The following FMR1 variants were observed in gnomAD, a reference collection of about 807,000 sequenced individuals.
FMR1 encodes the protein FMRP translational regulator 1.
FMR1 carries 13 observed loss-of-function variants against 50.6 expected under a neutral mutation model. That is an observed-to-expected ratio of 0.26 (90% confidence interval 0.17 to 0.41). FMR1 has a LOEUF of 0.41. FMR1 is among the 10% of genes least tolerant of loss of function. FMR1 has a pLI of 1.00. For missense variants in FMR1, 316 were observed against 491.3 expected, an observed-to-expected ratio of 0.64 and a Z score of 3.37; for synonymous variants, 138 against 164.1, an observed-to-expected ratio of 0.84 and a Z score of 1.22.
rs1250185587 is a variant in FMR1 at position 147,920,170 on chromosome X, T to A, written c.52-1763T>A. ...CTCTTATATTTAGGTCTTTGATGCA[T>A]ATTCATTGATTTTTTTTTGTATGCA... On this transcript the variant is annotated intron_variant, in intron 1 of 16. Transcript: ENST00000370475. 2.7e-5 allele frequency among the ~76,000 whole-genome samples: 3 copies of A among 112,380 alleles called. No individual in the cohort carries two copies. The Admixed American group carries it at 2.8e-4, about 11-fold the overall frequency.
Position 147,944,864 on chromosome X carries a change from G to A in FMR1, c.1472-5G>A, listed in dbSNP as rs781849284. The A allele has an allele frequency of 1.6e-5, 19 of 1,199,355 alleles. No individual in the cohort carries two copies. Among genetic ancestry groups the A allele is most frequent in the Admixed American group, 9.0e-5 (4 of 44,607 alleles). On this transcript the variant is annotated splice_polypyrimidine_tract_variant and splice_region_variant and intron_variant, in intron 14 of 16. Coordinates refer to ENST00000370475, the MANE Select transcript of FMR1 (RefSeq NM_002024.6). ...CAATGGTATATAACTTTTAACTCTC[G>A]ATAGGAACTAATTCTGAAGCATCAA...
At chrX:147,945,662 A>G in intron 16 of FMR1, 46 bp downstream of exon 16, 2 of 921,712 alleles carry the variant, frequency 2.2e-6, no homozygotes, top group Non-Finnish European at 3.1e-6. Flanking sequence ...TGAATATGGT[A>G]GTTTGAGATT....
In FMR1 at chrX:147,944,962, G is replaced by A. The variant is rs781918121; in HGVS notation, c.1565G>A (p.Arg522Lys). ...DWSLAPTEEE[R>K]ESFLRRGDGR... ...TCATTAGCTCCAACAGAGGAAGAGA[G>A]GGAGAGCTTCCTGCGCAGAGGAGAC... Residue 522 changes from arginine (R) to lysine (K), a missense_variant, in exon 15 of 17, where the codon AGG becomes AAG. This residue lies in a region of FMR1 where 124 missense variants were observed against 160.8 expected (regional missense o/e 0.77). Transcript: ENST00000370475. The A allele has an allele frequency of 1.7e-6, 2 of 1,205,623 alleles. No homozygotes were observed. The highest frequency in any genetic ancestry group is 2.2e-6 in the Non-Finnish European group (2 of 893,231).
rs181856740 is a variant in FMR1 at position 147,925,876 on chromosome X, G to C, written c.198+243G>C. Among the ~76,000 whole-genome samples the C allele has an allele frequency of 2.2e-3, 250 of 111,764 alleles. 1 individual carries two copies. Among genetic ancestry groups the C allele is most frequent in the African/African-American group, 7.7e-3 (238 of 30,775 alleles). ...GAAAGTCACTGCCGCAAGTTCCTTT[G>C]CCCACTAGTAATTCTTTTCTCCTTC... On this transcript the variant is annotated intron_variant, in intron 3 of 16. Transcript: ENST00000370475.
intron 14 of FMR1, chrX:147,944,265 C>A (rs188136224): frequency 4.0e-6 from 3 of 753,108 alleles, no homozygotes; most frequent in East Asian, 1.5e-4. Flanking sequence ...TATAGTAATT[C>A]TTTATTAATG....
At chrX:147,943,940 A>G in intron 14 of FMR1, 1 of 116,718 alleles carries the variant, frequency 8.6e-6, no homozygotes. Flanking sequence ...ATAAGGTATA[A>G]TCCATTTCAC....
rs1394387004 is a variant in FMR1, at chrX:147,949,653, A to T, written c.*809A>T. On this transcript the variant is annotated 3_prime_UTR_variant, in exon 17 of 17. Coordinates refer to ENST00000370475, the MANE Select transcript of FMR1 (RefSeq NM_002024.6). ...TGAGAGAGATGTGTAATTTTTCTGT[A>T]TAGACAGGAGAAGAAAGAACTATCT... 1.5e-5 allele frequency: 5 copies of T among 327,690 alleles called. No homozygotes were observed. Among genetic ancestry groups the T allele is most frequent in the Non-Finnish European group, 2.9e-5 (5 of 169,592 alleles). The allele number at this position is 327,690 out of a possible 1,213,427, so 27.0% of individuals were successfully genotyped here.
At chrX:147,913,238 CT>C (rs782519571) in intron 1 of FMR1, 2 of 112,125 alleles carry the variant, frequency 1.8e-5, no homozygotes, top group South Asian at 3.7e-4. Flanking sequence ...GTTTACTGTG[CT>C]TTTTAAAGTT....
At chrX:147,921,674 A>G (rs782008669) in intron 1 of FMR1, among the ~76,000 whole-genome samples, 1 of 110,931 alleles carries the variant, frequency 9.0e-6, no homozygotes, top group African/African-American at 3.3e-5. Context: ...ATACTTGTCT[A>G]TTTTTCGAGA....
chrX:147,945,017 A>G lies in FMR1; in HGVS notation c.1620A>G (p.Gly540=), dbSNP rs782519634. The change falls in exon 15 of 17, where the codon GGA becomes GGG. Residue 540 remains glycine, a synonymous_variant. Coordinates refer to ENST00000370475, the MANE Select transcript of FMR1 (RefSeq NM_002024.6). ...DGRRRGGGGR[G]QGGRGRGGGF... is the part of the protein sequence containing the mutation. ...GGCGGCGTGGAGGGGGAGGAAGAGGACAAGGAGGAAGAGGACGTGGAGGAG... is the reference window on the plus strand; with the variant it reads ...GGCGGCGTGGAGGGGGAGGAAGAGGGCAAGGAGGAAGAGGACGTGGAGGAG... The G allele has an allele frequency of 8.4e-7, 1 of 1,192,040 alleles. No individual in the cohort carries two copies. Among genetic ancestry groups the G allele is most frequent in the South Asian group, 1.8e-5 (1 of 54,857 alleles).
intron 12 of FMR1, 100 bp from the exon 13 acceptor site, chrX:147,940,476 T>C (rs1282720802): frequency 1.7e-6 from 1 of 581,673 alleles, no homozygotes; most frequent in East Asian, 3.3e-5. Flanking sequence ...GTATACCTGC[T>C]GTTCACCAGA....
intron 12 of FMR1, chrX:147,940,180 CAAAAAAG>C: frequency 1.3e-5 from 1 of 76,339 alleles, no homozygotes; most frequent in Admixed American, 1.5e-4. Context: ...AAAAAAAAAA[CAAAAAAG>C]AAAAAAAAAA....
At chrX:147,928,110 G>T in intron 3 of FMR1, 1 of 364,343 alleles carries the variant, frequency 2.7e-6, no homozygotes, top group Non-Finnish European at 4.8e-6. Context: ...TTTTTACAAG[G>T]AGCTTCAAAG....
chrX:147,920,650 G>A (rs1322486709), intron 1 of FMR1, among the ~76,000 whole-genome samples: 2 of 111,919 alleles, frequency 1.8e-5, no homozygotes, highest in African/African-American at 6.5e-5. Flanking sequence ...ACCACCCTCA[G>A]AAAACTTACT....
Position 147,944,883 on chromosome X carries a change from G to A in FMR1, c.1486G>A (p.Ala496Thr). ...PGYTSGTNSEASNASETESDH... is the reference protein window; with the variant it reads ...PGYTSGTNSETSNASETESDH... ...ACTCTCGATAGGAACTAATTCTGAA[G>A]CATCAAATGCTTCTGAAACAGAATC... Residue 496 changes from alanine to threonine, a missense_variant, in exon 15 of 17, where the codon GCA becomes ACA. This residue lies in a region of FMR1 where 124 missense variants were observed against 160.8 expected (regional missense o/e 0.77). Coordinates refer to ENST00000370475, the MANE Select transcript of FMR1 (RefSeq NM_002024.6). 1 of 1,208,071 alleles carries A rather than the reference G, an allele frequency of 8.3e-7. No individual in the cohort carries two copies. Among genetic ancestry groups the A allele is most frequent in the Non-Finnish European group, 1.1e-6 (1 of 894,447 alleles).
chrX:147,928,899 T>A, intron 5 of FMR1, 92 bp downstream of exon 5: 1 of 951,888 alleles, frequency 1.1e-6, no homozygotes, highest in Non-Finnish European at 1.5e-6. Context: ...TTTAAACTAC[T>A]AGAAATTGAT....
At position 147,935,846 on chromosome X, in the gene FMR1, A is replaced by G. The variant is rs781820595; in HGVS notation, c.881-658A>G. 6.2e-5 allele frequency among the ~76,000 whole-genome samples: 7 copies of G among 112,279 alleles called. No homozygotes were observed. In the South Asian group the frequency reaches 2.6e-3, roughly 41 times the overall value. Reference sequence around the variant, plus strand: ...TTTCTTAATCTTTTACTCTGTGACTAATCCCTTCACTTTTTAATACATTGC... The same window carrying G: ...TTTCTTAATCTTTTACTCTGTGACTGATCCCTTCACTTTTTAATACATTGC... On this transcript the variant is annotated intron_variant, in intron 9 of 16. Transcript: ENST00000370475.
intron 10 of FMR1, 30 bp from the exon 11 acceptor site, chrX:147,937,436 T>TC (rs1491123802): frequency 2.0e-6 from 2 of 1,010,120 alleles, no homozygotes; most frequent in African/African-American, 3.8e-5. Flanking sequence ...GTCCTTTTTT[T>TC]CTCTTTTGTG....
At chrX:147,937,860 A>G (rs1557179970) in intron 11 of FMR1, among the ~76,000 whole-genome samples, 1 of 111,484 alleles carries the variant, frequency 9.0e-6, no homozygotes, top group Non-Finnish European at 1.9e-5. Flanking sequence ...TTGACAGTGG[A>G]CTCTCTTTTT....
Sources: allele counts gnomAD v4.1 joint callset (sites outside exome capture counted in the v4.1 genomes callset), GRCh38; gene constraint gnomAD v4.1.1; regional missense constraint gnomAD v4.1.1; transcripts MANE v1.5; gene names NCBI Gene and HGNC (gene_info 2026-07-23, HGNC 2026-07-21).